The following LARGE1 variants were observed in gnomAD, a reference collection of about 807,000 sequenced individuals.
The protein encoded by LARGE1 is xylosyl- and glucuronyltransferase LARGE1.
A neutral mutation model predicts 87.6 loss-of-function variants in LARGE1; 43 were observed. The observed-to-expected ratio is 0.49, with a 90% CI of 0.38 to 0.63. LARGE1 has a LOEUF of 0.63. LARGE1 is among the 30% of genes least tolerant of loss of function. LARGE1 has a pLI of 0.00. For missense variants in LARGE1, 802 were observed against 1,000.2 expected (o/e 0.80, Z 2.67); for synonymous variants, 434 against 394.6 (o/e 1.10, Z -1.18).
At chr22:33,743,269 T>C (rs938343569) in intron 2 of LARGE1, 1 of 152,224 alleles carries the variant, frequency 6.6e-6, no homozygotes, top group African/African-American at 2.4e-5. Flanking sequence ...AACGCAAGAA[T>C]GGCTTAATAT....
At chr22:33,391,550 C>T (rs567350771) in intron 7 of LARGE1, among the ~76,000 whole-genome samples, 174 of 152,166 alleles carry the variant, frequency 1.1e-3, no homozygotes, top group African/African-American at 3.9e-3. Flanking sequence ...CTCTCTAGGA[C>T]AGTGATTTCA....
the LARGE1 span, among the ~76,000 whole-genome samples, chr22:33,144,642 A>C: frequency 2.0e-5 from 3 of 152,166 alleles, no homozygotes; most frequent in African/African-American, 7.2e-5. Flanking sequence ...CTCAGAGTGA[A>C]ATGAAAGCCA....
At chr22:33,298,897 GAA>G (rs958465295) in intron 12 of LARGE1, among the ~76,000 whole-genome samples, 12 of 142,394 alleles carry the variant, frequency 8.4e-5, no homozygotes, top group African/African-American at 3.4e-4. Flanking sequence ...AAGATGGAAA[GAA>G]AGAAAAAAGG....
intron 11 of LARGE1, among the ~76,000 whole-genome samples, chr22:33,267,505 C>T (rs1262927277): frequency 6.6e-6 from 1 of 151,570 alleles, no homozygotes; most frequent in Non-Finnish European, 1.5e-5. Context: ...AATTGTGAAG[C>T]TCAGAATTGC....
intron 11 of LARGE1, among the ~76,000 whole-genome samples, chr22:33,265,416 T>C (rs1027833991): frequency 1.1e-4 from 17 of 152,216 alleles, no homozygotes; most frequent in Admixed American, 9.8e-4. Flanking sequence ...CTCTCTCGTC[T>C]TGACACCTAT....
chr22:33,223,322 G>A (rs905008606), intron 11 of LARGE1, among the ~76,000 whole-genome samples: 1 of 152,206 alleles, frequency 6.6e-6, no homozygotes, highest in Non-Finnish European at 1.5e-5. Context: ...TAAAAAAACC[G>A]TGATACCTCA....
At chr22:33,189,435 C>G (rs1375611862) in intron 11 of LARGE1, among the ~76,000 whole-genome samples, 1 of 152,096 alleles carries the variant, frequency 6.6e-6, no homozygotes, top group East Asian at 1.9e-4. Flanking sequence ...CTTGGACATT[C>G]TGCCTTTTTC....
At chr22:33,482,735 A>G (rs985161413) in intron 6 of LARGE1, among the ~76,000 whole-genome samples, 1 of 152,136 alleles carries the variant, frequency 6.6e-6, no homozygotes, top group African/African-American at 2.4e-5. Context: ...AAACAATCCA[A>G]TAATACTCTT....
At position 33,669,566 on chromosome 22, in the gene LARGE1, TC is replaced by T. The variant is rs2081351765; in HGVS notation, c.107-18899del. On this transcript the variant is annotated intron_variant, in intron 2 of 14. Transcript: ENST00000397394. Reference sequence around the variant, plus strand: ...TTGATACTCATTGTTATCAGAAGGTTCCTGATGTTCTATTAGTTCCAGAAAC... The same window carrying T: ...TTGATACTCATTGTTATCAGAAGGTTCTGATGTTCTATTAGTTCCAGAAAC... Among the ~76,000 whole-genome samples, 3 of 152,304 alleles carry T rather than the reference TC, an allele frequency of 2.0e-5. No homozygotes were observed. In the East Asian group the frequency reaches 5.8e-4, roughly 29 times the overall value.
intron 3 of LARGE1, 54 bp from the exon 4 acceptor site, chr22:33,626,380 CTG>C: frequency 7.0e-7 from 1 of 1,431,508 alleles, no homozygotes; most frequent in Non-Finnish European, 9.8e-7. Flanking sequence ...GGAGGCCTTC[CTG>C]GTGCTTCAGA....
At chr22:33,268,520 C>CG (rs1363010897), downstream of LARGE1, among the ~76,000 whole-genome samples, 2 of 150,724 alleles carry the variant, frequency 1.3e-5, no homozygotes, top group Non-Finnish European at 3.0e-5. Context: ...CTCCGTCCCC[C>CG]GGGTTCTCAC....
intron 1 of LARGE1, among the ~76,000 whole-genome samples, chr22:33,851,346 G>C (rs531520966): frequency 6.6e-6 from 1 of 152,190 alleles, no homozygotes; most frequent in Non-Finnish European, 1.5e-5. Flanking sequence ...AGCCTTCTAG[G>C]CTTTCTCCTT....
Position 33,280,312 on chromosome 22 carries a change from CCTCA to C in LARGE1, c.1877+2886_1877+2889del, listed in dbSNP as rs1259381525. Among the ~76,000 whole-genome samples, 93 of 125,382 alleles carry C rather than the reference CCTCA, an allele frequency of 7.4e-4. 1 individual carries two copies. The highest frequency in any genetic ancestry group is 3.1e-3 in the African/African-American group (88 of 28,130). 82.3% of individuals were successfully genotyped at this position (125,382 alleles called of 152,430 possible). A position where few individuals can be genotyped will look rare whatever the true frequency, so the allele number is the denominator to read the frequency against. ...GAGTAGTTTCTGATATATGGTAACTCCTCAAAAAAAAAAAAAAAAAAAAAGAGAA... is the reference window on the plus strand; with the variant it reads ...GAGTAGTTTCTGATATATGGTAACTCAAAAAAAAAAAAAAAAAAAAGAGAA... On this transcript the variant is annotated intron_variant, in intron 13 of 14. Coordinates refer to ENST00000397394, the MANE Select transcript of LARGE1 (RefSeq NM_133642.5).
chr22:33,795,180 A>G (rs1283072908), intron 1 of LARGE1, among the ~76,000 whole-genome samples: 1 of 152,208 alleles, frequency 6.6e-6, no homozygotes, highest in African/African-American at 2.4e-5. Flanking sequence ...AATTTCATCT[A>G]AAAAGTAGGA....
At chr22:33,268,735 A>C (rs1281155593), downstream of LARGE1, among the ~76,000 whole-genome samples, 2 of 152,162 alleles carry the variant, frequency 1.3e-5, no homozygotes, top group Non-Finnish European at 2.9e-5. Flanking sequence ...CCTAGTTGTT[A>C]TAAAACTTTT....
At chr22:33,338,712 C>T (rs1199929417) in intron 9 of LARGE1, among the ~76,000 whole-genome samples, 2 of 152,140 alleles carry the variant, frequency 1.3e-5, no homozygotes, top group South Asian at 4.1e-4. Flanking sequence ...CTGGTTCTGA[C>T]TACTGAGTGC....
chr22:33,796,241 A>G (rs2085977201), intron 1 of LARGE1, among the ~76,000 whole-genome samples: 1 of 152,238 alleles, frequency 6.6e-6, no homozygotes, highest in South Asian at 2.1e-4. Context: ...ATCCATACAC[A>G]TACATACTCA....
At chr22:33,776,788 G>T (rs568454762) in intron 1 of LARGE1, among the ~76,000 whole-genome samples, 1 of 152,294 alleles carries the variant, frequency 6.6e-6, no homozygotes, top group African/African-American at 2.4e-5. Flanking sequence ...AAGGCCTAGG[G>T]AGATTTCATA....
chr22:33,761,408 G>C lies in LARGE1; in HGVS notation c.69C>G (p.Ala23=), dbSNP rs776520724. ...AASLSLLCIP[A]ITWIYLFSGS... ...CAGAAAACAGGTAAATCCAGGTGATGGCTGGGATGCAGAGAAGACTCAACG... is the reference window on the plus strand; with the variant it reads ...CAGAAAACAGGTAAATCCAGGTGATCGCTGGGATGCAGAGAAGACTCAACG... The change falls in exon 2 of 15, where the codon GCC becomes GCG. Residue 23 remains alanine, a synonymous_variant. Coordinates refer to ENST00000397394, the MANE Select transcript of LARGE1 (RefSeq NM_133642.5). The C allele has an allele frequency of 6.2e-7, 1 of 1,613,952 alleles. No individual in the cohort carries two copies. The highest frequency in any genetic ancestry group is 8.5e-7 in the Non-Finnish European group (1 of 1,179,984).
Sources: allele counts gnomAD v4.1 joint callset (sites outside exome capture counted in the v4.1 genomes callset), GRCh38; gene constraint gnomAD v4.1.1; transcripts MANE v1.5; gene names NCBI Gene and HGNC (gene_info 2026-07-23, HGNC 2026-07-21).